TXNDC5: variants seen among roughly 807,000 people sequenced by gnomAD.
TXNDC5 encodes the protein thioredoxin domain containing 5, also known as thioredoxin domain-containing protein 5.
TXNDC5 carries 44 observed loss-of-function variants against 52.6 expected under a neutral mutation model. The observed-to-expected ratio is 0.84, with a 90% CI of 0.66 to 1.08. TXNDC5 has a LOEUF of 1.08. Among genes scored for constraint, TXNDC5 ranks in the 50% least tolerant of loss-of-function variants. The probability of loss-of-function intolerance (pLI) is 0.00; values close to 1 mark genes in which losing one functional copy is unlikely to be tolerated. For synonymous variants in TXNDC5, 241 were observed against 234.4 expected, an observed-to-expected ratio of 1.03 and a Z score of -0.26; for missense variants, 600 against 565.5, an observed-to-expected ratio of 1.06 and a Z score of -0.62.
chr6:7,883,575 C>A (rs1759847243), intron 9 of TXNDC5, among the ~76,000 whole-genome samples: 2 of 152,126 alleles, frequency 1.3e-5, no homozygotes, highest in African/African-American at 4.8e-5. Flanking sequence ...GCTGAAGGTG[C>A]AGATTTGGAT....
chr6:7,887,659 C>T (rs1760039805), intron 7 of TXNDC5, among the ~76,000 whole-genome samples: 1 of 152,198 alleles, frequency 6.6e-6, no homozygotes, highest in Non-Finnish European at 1.5e-5. Context: ...TTTCCTACAA[C>T]TCCAATCTGC....
intron 5 of TXNDC5, among the ~76,000 whole-genome samples, chr6:7,889,944 G>A (rs1760134258): frequency 6.6e-6 from 1 of 152,212 alleles, no homozygotes; most frequent in African/African-American, 2.4e-5. Flanking sequence ...TAGCCTGGCT[G>A]TCGGTGACTG....
At chr6:7,893,237 C>T (rs558545535) in intron 4 of TXNDC5, among the ~76,000 whole-genome samples, 4 of 152,314 alleles carry the variant, frequency 2.6e-5, no homozygotes, top group East Asian at 1.9e-4. Flanking sequence ...TGTGGCCTGG[C>T]GTCTGAGCAG....
chr6:7,909,947 T>A, intron 1 of TXNDC5: 13 of 985,952 alleles, frequency 1.3e-5, no homozygotes, highest in Non-Finnish European at 1.6e-5. Flanking sequence ...AGGCCGCGCG[T>A]CCGGCCGGCA....
chr6:7,891,440 G>T (rs1225949), intron 5 of TXNDC5, among the ~76,000 whole-genome samples, 181 bp downstream of exon 5: 5,802 of 152,214 alleles, frequency 0.038, 137 homozygotes, highest in Middle Eastern at 0.068. Flanking sequence ...CTGTGGAAAA[G>T]CCAGCAAAAC....
intron 5 of TXNDC5, among the ~76,000 whole-genome samples, chr6:7,890,061 T>G (rs190842150): frequency 6.6e-6 from 1 of 152,300 alleles, no homozygotes; most frequent in Admixed American, 6.5e-5. Context: ...CAGGAGTAGT[T>G]GGTATATAAT....
intron 7 of TXNDC5, 22 bp downstream of exon 7, chr6:7,888,683 C>T (rs1167108316): frequency 4.4e-6 from 7 of 1,596,954 alleles, no homozygotes; most frequent in South Asian, 1.1e-5. Context: ...TTATGGGGAT[C>T]CCGACTCCAG....
At chr6:7,909,728 T>A (rs1049360855) in intron 1 of TXNDC5, 3 of 979,730 alleles carry the variant, frequency 3.1e-6, no homozygotes, top group Non-Finnish European at 3.6e-6. Flanking sequence ...ACTACCTTGG[T>A]CTTCCCGGGG....
At position 7,891,726 on chromosome 6, in the gene TXNDC5, A is replaced by T; in HGVS notation, c.627T>A (p.Phe209Leu). The change falls in exon 5 of 10, where the codon TTT becomes TTA. Residue 209 changes from phenylalanine to leucine, a missense_variant. Phe to Leu is a conservative substitution (Grantham distance 22). Transcript: ENST00000379757. ...FELHVAQGDH[F>L]IKFFAPWCGH... The stretch of plus-strand genomic sequence containing the variant: ...CACACCACGGAGCGAAGAACTTGAT[A>T]AAGTGGTCGCCTGGAGTGGAGAGCC... 6.2e-7 allele frequency: 1 copy of T among 1,613,546 alleles called. No homozygotes were observed. The highest frequency in any genetic ancestry group is 8.5e-7 in the Non-Finnish European group (1 of 1,179,638).
chr6:7,891,170 T>C (rs7771314), intron 5 of TXNDC5, among the ~76,000 whole-genome samples: 14,100 of 152,066 alleles, frequency 0.093, 695 homozygotes, highest in Middle Eastern at 0.12. Context: ...CTGTATAAAG[T>C]AGGAAATGCT....
chr6:7,909,316 C>T (rs1760833360), intron 1 of TXNDC5, among the ~76,000 whole-genome samples: 1 of 152,238 alleles, frequency 6.6e-6, no homozygotes, highest in Admixed American at 6.5e-5. Context: ...GCAACAAGAA[C>T]CTGCAGGCTA....
At chr6:7,886,171 C>T in intron 7 of TXNDC5, 128 bp from the exon 8 acceptor site, 1 of 720,928 alleles carries the variant, frequency 1.4e-6, no homozygotes, top group East Asian at 2.7e-5. Context: ...CAAGGTCACA[C>T]AGAAATACCT....
intron 4 of TXNDC5, 42 bp downstream of exon 4, chr6:7,895,064 A>T (rs753324878): frequency 2.5e-6 from 4 of 1,601,170 alleles, no homozygotes; most frequent in Non-Finnish European, 2.6e-6. Flanking sequence ...GCCAAGGAAT[A>T]ATAGTGATTC....
At chr6:7,898,973 C>A (rs2113352946) in intron 3 of TXNDC5, among the ~76,000 whole-genome samples, 1 of 152,200 alleles carries the variant, frequency 6.6e-6, no homozygotes, top group Middle Eastern at 3.4e-3. Flanking sequence ...GGGGACTGAG[C>A]ACCGAGAAGA....
In TXNDC5 at chr6:7,886,726, CTA is replaced by C. The variant is rs144931881; in HGVS notation, c.964-685_964-684del. 5.3e-3 allele frequency among the ~76,000 whole-genome samples: 803 copies of C among 152,268 alleles called. 5 individuals are homozygous for C. The highest frequency in any genetic ancestry group is 0.016 in the African/African-American group (676 of 41,556). ...TTGACAGTTCTTTACAGAATGACGT[CTA>C]TGTGTTTCTCCAAAAATGGATCTGC... On this transcript the variant is annotated intron_variant, in intron 7 of 9. Coordinates refer to ENST00000379757, the MANE Select transcript of TXNDC5 (RefSeq NM_030810.5).
intron 2 of TXNDC5, among the ~76,000 whole-genome samples, chr6:7,902,659 A>G (rs1361988295): frequency 6.6e-6 from 1 of 151,690 alleles, no homozygotes. Flanking sequence ...TCTCGGGGGG[A>G]AAATAATCTG....
rs935770466 is a variant in TXNDC5 at position 7,910,367 on chromosome 6, C to T, written c.263+147G>A. 4.6e-4 allele frequency: 470 copies of T among 1,027,166 alleles called. 1 individual carries two copies. The highest frequency in any genetic ancestry group is 1.0e-3 in the Admixed American group (21 of 20,496). 63.6% of individuals were successfully genotyped at this position (1,027,166 alleles called of 1,614,324 possible). A position where few individuals can be genotyped will look rare whatever the true frequency, so the allele number is the denominator to read the frequency against. On this transcript the variant is annotated intron_variant, in intron 1 of 9. Transcript: ENST00000379757. Reference sequence around the variant, plus strand: ...GTATTACACCCCGCACCCCTGAGCCCCGAGCCCCGCGCCCGTAGCACGCAC... The same window carrying T: ...GTATTACACCCCGCACCCCTGAGCCTCGAGCCCCGCGCCCGTAGCACGCAC...
At position 7,888,707 on chromosome 6, in the gene TXNDC5, T is replaced by G. The variant is rs762453292; in HGVS notation, c.961A>C (p.Lys321Gln). Residue 321 changes from lysine to glutamine, a missense_variant and splice_region_variant, in exon 7 of 10, where the codon AAG becomes CAG. Coordinates refer to ENST00000379757, the MANE Select transcript of TXNDC5 (RefSeq NM_030810.5). The stretch of plus-strand genomic sequence containing the variant: ...TCCCGACTCCAGCAGGCACCCACCT[T>G]GTCAGCCTCGGGCTCAGCTGCCAGC... Reference protein sequence around the residue: ...PVLAAEPEADKGTVLALTENN... With the variant: ...PVLAAEPEADQGTVLALTENN... 1 of 1,609,586 alleles carries G rather than the reference T, an allele frequency of 6.2e-7. No individual in the cohort carries two copies. The highest frequency in any genetic ancestry group is 1.3e-5 in the African/African-American group (1 of 74,994).
At chr6:7,896,822 C>T (rs1760384646) in intron 3 of TXNDC5, among the ~76,000 whole-genome samples, 2 of 152,188 alleles carry the variant, frequency 1.3e-5, no homozygotes, top group Admixed American at 1.3e-4. Flanking sequence ...CAGAGCAGTC[C>T]CCCGGCATGG....
Sources: allele counts gnomAD v4.1 joint callset (sites outside exome capture counted in the v4.1 genomes callset), GRCh38; gene constraint gnomAD v4.1.1; transcripts MANE v1.5; gene names NCBI Gene and HGNC (gene_info 2026-07-23, HGNC 2026-07-21).